Variants in STK39 observed in about 807,000 individuals in gnomAD.
The protein encoded by STK39 is serine/threonine kinase 39, also known as STE20/SPS1-related proline-alanine-rich protein kinase.
A neutral mutation model predicts 77.8 loss-of-function variants in STK39; 20 were observed. That is an observed-to-expected ratio of 0.26 (90% CI 0.18 to 0.37). The LOEUF (loss-of-function observed/expected upper bound fraction) is 0.37, where lower values mean the gene tolerates loss of function less well. Ranked by LOEUF, STK39 falls within the 10% of genes least tolerant of loss-of-function variation. The pLI is 1.00. For missense variants in STK39, 479 were observed against 656.5 expected, an observed-to-expected ratio of 0.73 and a Z score of 2.95; for synonymous variants, 246 against 234.1, an observed-to-expected ratio of 1.05 and a Z score of -0.47.
intron 1 of STK39, among the ~76,000 whole-genome samples, chr2:168,223,103 T>A (rs1690216229): frequency 6.6e-6 from 1 of 152,186 alleles, no homozygotes; most frequent in South Asian, 2.1e-4. Flanking sequence ...AGTAACTGGC[T>A]CTCAGTCATA....
intron 17 of STK39, among the ~76,000 whole-genome samples, chr2:167,957,840 A>G (rs1201429285): frequency 3.9e-5 from 6 of 152,274 alleles, no homozygotes; most frequent in African/African-American, 1.4e-4. Context: ...AACTTACTAG[A>G]GTAGGTGATA....
In STK39 at chr2:167,964,743, T is replaced by C; in HGVS notation, c.1499-17A>G. On this transcript the variant is annotated splice_polypyrimidine_tract_variant and intron_variant, in intron 16 of 17. Transcript: ENST00000355999. ...TAGCAGCCACTGTAAAATATAAACG[T>C]AGAGAGAAAGTTTCCAGATTATTTC... 1 of 1,598,326 alleles carries C rather than the reference T, an allele frequency of 6.3e-7. No individual in the cohort carries two copies. Among genetic ancestry groups the C allele is most frequent in the Non-Finnish European group, 8.5e-7 (1 of 1,171,184 alleles).
intron 5 of STK39, among the ~76,000 whole-genome samples, chr2:168,150,538 T>C (rs541876921): frequency 6.6e-6 from 1 of 152,100 alleles, no homozygotes; most frequent in Non-Finnish European, 1.5e-5. Flanking sequence ...GGTGTGATGG[T>C]ACTGGGAGAG....
chr2:167,977,553 G>C (rs953423476), intron 16 of STK39, among the ~76,000 whole-genome samples: 1 of 142,738 alleles, frequency 7.0e-6, no homozygotes, highest in Non-Finnish European at 1.5e-5. Context: ...TTGAAGGTAA[G>C]AATTAGTTTA....
chr2:168,236,468 T>C (rs540913960), intron 1 of STK39, among the ~76,000 whole-genome samples: 5 of 152,376 alleles, frequency 3.3e-5, no homozygotes, highest in South Asian at 2.1e-4. Flanking sequence ...ACATCCCATT[T>C]GTCAATTTTG....
chr2:168,034,768 T>G (rs533234067), intron 14 of STK39, among the ~76,000 whole-genome samples: 1 of 152,306 alleles, frequency 6.6e-6, no homozygotes. Flanking sequence ...CCCTGCCATG[T>G]TTTGTATTCT....
chr2:168,219,028 T>C (rs1225195656), intron 1 of STK39, among the ~76,000 whole-genome samples: 2 of 152,186 alleles, frequency 1.3e-5, no homozygotes, highest in East Asian at 1.9e-4. Flanking sequence ...CTAAGAATCA[T>C]ATGAATCAAG....
chr2:168,077,447 AAGAG>A (rs1364623322), intron 10 of STK39, among the ~76,000 whole-genome samples: 2 of 152,060 alleles, frequency 1.3e-5, no homozygotes, highest in Non-Finnish European at 2.9e-5. Context: ...TATTTGCTGG[AAGAG>A]AGAAAGATAA....
chr2:168,234,187 CCAGT>C (rs1328521906), intron 1 of STK39, among the ~76,000 whole-genome samples: 1 of 152,164 alleles, frequency 6.6e-6, no homozygotes, highest in Non-Finnish European at 1.5e-5. Flanking sequence ...CAGTATTTAG[CCAGT>C]CTTTGAACAT....
intron 14 of STK39, among the ~76,000 whole-genome samples, chr2:168,029,822 G>A (rs189196845): frequency 6.6e-6 from 1 of 152,186 alleles, no homozygotes; most frequent in Non-Finnish European, 1.5e-5. Flanking sequence ...ACATGCAGGA[G>A]ACTGGCTTAT....
chr2:168,038,459 A>T (rs1385861757), intron 14 of STK39, among the ~76,000 whole-genome samples: 1 of 151,336 alleles, frequency 6.6e-6, no homozygotes, highest in East Asian at 1.9e-4. Flanking sequence ...TAAAAAAAAA[A>T]ACCCTCAGAA....
intron 1 of STK39, among the ~76,000 whole-genome samples, chr2:168,184,220 C>CA (rs1304689057): frequency 1.3e-5 from 2 of 152,112 alleles, no homozygotes; most frequent in Non-Finnish European, 2.9e-5. Flanking sequence ...CTCCAAGGAA[C>CA]AAAAAATAAG....
intron 8 of STK39, among the ~76,000 whole-genome samples, chr2:168,137,728 GGT>G (rs1687875743): frequency 6.6e-6 from 1 of 152,238 alleles, no homozygotes; most frequent in South Asian, 2.1e-4. Flanking sequence ...AATCCTGAGA[GGT>G]CAGTTCAACC....
chr2:168,235,306 G>A (rs1335829957), intron 1 of STK39, among the ~76,000 whole-genome samples: 1 of 151,800 alleles, frequency 6.6e-6, no homozygotes, highest in Non-Finnish European at 1.5e-5. Flanking sequence ...CTGAAGTGCT[G>A]GGACTACAGG....
rs570265948 is a variant in STK39, at chr2:168,076,863, T to G, written c.1090-1632A>C. On this transcript the variant is annotated intron_variant, in intron 10 of 17. Coordinates refer to ENST00000355999, the MANE Select transcript of STK39 (RefSeq NM_013233.3). ...ATGACGGTGATTTTAATGGTGCTTA[T>G]AGATGTTGGCAAAGTACTATAGAAA... Among the ~76,000 whole-genome samples, 10 of 152,304 alleles carry G rather than the reference T, an allele frequency of 6.6e-5. No homozygotes were observed. The South Asian group carries it at 2.1e-3, about 32-fold the overall frequency.
At chr2:167,964,748 A>C (rs757149641) in intron 16 of STK39, 22 bp from the exon 17 acceptor site, 1 of 1,589,482 alleles carries the variant, frequency 6.3e-7, no homozygotes, top group Non-Finnish European at 8.6e-7. Flanking sequence ...AAACGTAGAG[A>C]GAAAGTTTCC....
At chr2:168,019,167 T>C (rs1197875153) in intron 14 of STK39, among the ~76,000 whole-genome samples, 2 of 152,192 alleles carry the variant, frequency 1.3e-5, no homozygotes, top group African/African-American at 4.8e-5. Context: ...TGTGGAAATC[T>C]GAAAACTGTG....
intron 1 of STK39, among the ~76,000 whole-genome samples, chr2:168,241,795 G>A (rs1483310391): frequency 2.0e-5 from 3 of 152,228 alleles, no homozygotes; most frequent in Non-Finnish European, 2.9e-5. Context: ...CATGCTGTGT[G>A]CCAGGCACGA....
chr2:168,021,312 A>C (rs1684565563), intron 14 of STK39, among the ~76,000 whole-genome samples: 1 of 152,188 alleles, frequency 6.6e-6, no homozygotes, highest in South Asian at 2.1e-4. Flanking sequence ...GAGGCTGCGT[A>C]GTCAAGTCAT....
Sources: gnomAD v4.1 joint callset for allele counts (sites outside exome capture counted in the v4.1 genomes callset) on GRCh38, gnomAD v4.1.1 for gene constraint, MANE v1.5 for transcripts, NCBI Gene and HGNC (gene_info 2026-07-23, HGNC 2026-07-21) for gene names.